FAF1: variants seen among roughly 807,000 people sequenced by gnomAD.
FAF1 encodes the protein Fas associated factor 1.
In FAF1, 25 loss-of-function variants were observed where a neutral mutation model predicts 92.5. The observed-to-expected ratio is 0.27, with a 90% CI of 0.20 to 0.38. The LOEUF (loss-of-function observed/expected upper bound fraction) is 0.38. Among genes scored for constraint, FAF1 ranks in the 10% least tolerant of loss-of-function variants. The probability of loss-of-function intolerance (pLI) is 1.00; values close to 1 mark genes in which losing one functional copy is unlikely to be tolerated. For missense variants in FAF1, 636 were observed against 793.3 expected (o/e 0.80, Z 2.38); for synonymous variants, 234 against 273.2 (o/e 0.86, Z 1.42).
intron 5 of FAF1, among the ~76,000 whole-genome samples, chr1:50,740,384 A>G (rs1659334025): frequency 6.6e-6 from 1 of 152,126 alleles, no homozygotes; most frequent in Non-Finnish European, 1.5e-5. Context: ...GGGAGGGGCA[A>G]TCTTACACAA....
chr1:50,562,942 A>G (rs1260344516), intron 13 of FAF1, among the ~76,000 whole-genome samples: 2 of 152,222 alleles, frequency 1.3e-5, no homozygotes, highest in Non-Finnish European at 2.9e-5. Flanking sequence ...CTGAACATGT[A>G]CACTTTTTCC....
intron 2 of FAF1, among the ~76,000 whole-genome samples, chr1:50,816,101 T>C (rs1643970465): frequency 1.3e-5 from 2 of 151,950 alleles, no homozygotes; most frequent in African/African-American, 4.8e-5. Context: ...TGATTTGCAT[T>C]TCTCTGAATA....
chr1:50,567,510 C>T (rs1029294626), intron 12 of FAF1, among the ~76,000 whole-genome samples: 1 of 151,976 alleles, frequency 6.6e-6, no homozygotes, highest in East Asian at 1.9e-4. Context: ...AATGAAGTTG[C>T]AAAGGAATTG....
chr1:50,655,197 T>C (rs1006575778), intron 8 of FAF1, among the ~76,000 whole-genome samples: 6 of 152,108 alleles, frequency 3.9e-5, no homozygotes, highest in Non-Finnish European at 7.3e-5. Flanking sequence ...AATTTTTGTG[T>C]TTTCAGTAGA....
chr1:50,947,460 T>G (rs1467916646), intron 1 of FAF1, among the ~76,000 whole-genome samples: 1 of 152,258 alleles, frequency 6.6e-6, no homozygotes, highest in Non-Finnish European at 1.5e-5. Flanking sequence ...CAGGTGTAAT[T>G]ATTCTGTTAA....
At chr1:50,861,289 C>G (rs1408042369) in intron 1 of FAF1, among the ~76,000 whole-genome samples, 2 of 151,816 alleles carry the variant, frequency 1.3e-5, no homozygotes, top group Non-Finnish European at 2.9e-5. Context: ...CTGTATCCTC[C>G]TATGGTGACA....
rs1174370196 is a variant in FAF1 at position 50,597,768 on chromosome 1, T to C, written c.745-1552A>G. On this transcript the variant is annotated intron_variant, in intron 8 of 18. Coordinates refer to ENST00000396153, the MANE Select transcript of FAF1 (RefSeq NM_007051.3). ...ATGATTGAAATATAAGGATGGTAAA[T>C]CATTTTTTGACAAGACATGAAGAAA... 2.0e-5 allele frequency among the ~76,000 whole-genome samples: 3 copies of C among 152,214 alleles called. No individual in the cohort carries two copies. The South Asian group carries it at 6.2e-4, about 32-fold the overall frequency.
intron 7 of FAF1, among the ~76,000 whole-genome samples, chr1:50,678,850 G>T (rs1656280490): frequency 6.7e-6 from 1 of 149,936 alleles, no homozygotes; most frequent in East Asian, 2.0e-4. Context: ...ACTTTGGGAG[G>T]CCGAGGCAGG....
chr1:50,791,685 G>A (rs1376262504), intron 3 of FAF1, among the ~76,000 whole-genome samples: 9 of 152,164 alleles, frequency 5.9e-5, no homozygotes, highest in Non-Finnish European at 8.8e-5. Flanking sequence ...AGTCTCCTCT[G>A]CGCTTCATGA....
At chr1:50,701,757 G>T (rs1657483340) in intron 7 of FAF1, among the ~76,000 whole-genome samples, 1 of 151,930 alleles carries the variant, frequency 6.6e-6, no homozygotes, top group Non-Finnish European at 1.5e-5. Context: ...AACTCTATTG[G>T]CTTCCCATTT....
chr1:50,781,061 TCA>T (rs1285986654), intron 4 of FAF1: 2 of 411,676 alleles, frequency 4.9e-6, no homozygotes, highest in Non-Finnish European at 4.8e-6. Context: ...AAGATGGAAG[TCA>T]CAGAGGACAT....
chr1:50,541,408 A>T (rs1648750031), intron 13 of FAF1, among the ~76,000 whole-genome samples: 1 of 152,212 alleles, frequency 6.6e-6, no homozygotes, highest in African/African-American at 2.4e-5. Context: ...AAGGTGCTCA[A>T]GCAGCCTAAC....
At chr1:50,509,016 T>C (rs1458455691) in intron 15 of FAF1, among the ~76,000 whole-genome samples, 1 of 152,148 alleles carries the variant, frequency 6.6e-6, no homozygotes, top group Non-Finnish European at 1.5e-5. Context: ...AATTGTATAC[T>C]TTAAAATGGC....
At chr1:50,481,672 C>T (rs1646705718) in intron 17 of FAF1, among the ~76,000 whole-genome samples, 2 of 151,898 alleles carry the variant, frequency 1.3e-5, no homozygotes, top group South Asian at 4.2e-4. Flanking sequence ...GTGGTGAGTG[C>T]TATGGAGGGA....
intron 1 of FAF1, among the ~76,000 whole-genome samples, chr1:50,935,059 T>C (rs1380352831): frequency 6.6e-6 from 1 of 152,226 alleles, no homozygotes; most frequent in Non-Finnish European, 1.5e-5. Context: ...TGTATATTTA[T>C]GTCTCACACC....
chr1:50,807,548 C>T (rs776024512), intron 2 of FAF1, among the ~76,000 whole-genome samples: 2 of 152,178 alleles, frequency 1.3e-5, no homozygotes, highest in Non-Finnish European at 2.9e-5. Flanking sequence ...AATCACCTCC[C>T]ACCAGGTCCC....
chr1:50,782,942 A>G (rs988999420), intron 4 of FAF1, among the ~76,000 whole-genome samples: 1 of 152,046 alleles, frequency 6.6e-6, no homozygotes, highest in African/African-American at 2.4e-5. Flanking sequence ...ACCATATTTT[A>G]ATATACAGAA....
chr1:50,547,032 G>A (rs939499947), intron 13 of FAF1, among the ~76,000 whole-genome samples: 2 of 151,950 alleles, frequency 1.3e-5, no homozygotes, highest in Admixed American at 6.6e-5. Context: ...GGGACTACAG[G>A]TAAGCGCCAC....
intron 7 of FAF1, among the ~76,000 whole-genome samples, chr1:50,695,938 C>T (rs903470586): frequency 5.4e-5 from 8 of 148,872 alleles, no homozygotes; most frequent in Admixed American, 1.3e-4. Flanking sequence ...CGTGAGTCAC[C>T]GTGCTTGGCC....
Sources: gnomAD v4.1 joint callset for allele counts (sites outside exome capture counted in the v4.1 genomes callset) on GRCh38, gnomAD v4.1.1 for gene constraint, MANE v1.5 for transcripts, NCBI Gene and HGNC (gene_info 2026-07-23, HGNC 2026-07-21) for gene names.